The following PPP1R9A variants were observed in gnomAD, a reference collection of about 807,000 sequenced individuals.
PPP1R9A encodes neurabin-1.
A neutral mutation model predicts 141.9 loss-of-function variants in PPP1R9A; 59 were observed. The observed-to-expected ratio is 0.42, with a 90% CI of 0.34 to 0.52. PPP1R9A has a LOEUF of 0.52. Among genes scored for constraint, PPP1R9A ranks in the 20% least tolerant of loss-of-function variants. The probability of loss-of-function intolerance (pLI) is 0.10; values close to 1 mark genes in which losing one functional copy is unlikely to be tolerated. For missense variants in PPP1R9A, 1,444 were observed against 1,611.9 expected, an observed-to-expected ratio of 0.90 and a Z score of 1.78; for synonymous variants, 500 against 569.7, an observed-to-expected ratio of 0.88 and a Z score of 1.74.
At chr7:95,118,475 A>C (rs79176817) in intron 3 of PPP1R9A, among the ~76,000 whole-genome samples, 3 of 152,322 alleles carry the variant, frequency 2.0e-5, no homozygotes, top group East Asian at 1.9e-4. Flanking sequence ...GGTTTGCATC[A>C]GGCAGCTCAT....
rs182726544 is a variant in PPP1R9A at position 95,183,935 on chromosome 7, C to G, written c.1755-14414C>G. Among the ~76,000 whole-genome samples, 237 of 151,956 alleles carry G rather than the reference C, an allele frequency of 1.6e-3. 1 individual carries two copies. Among genetic ancestry groups the G allele is most frequent in the Middle Eastern group, 0.01 (3 of 290 alleles). ...CCAGGCTGGAGTGCAGTGGCCAGAT[C>G]CAGCTTTCAAAAGCAATCATCTTCA... On this transcript the variant is annotated intron_variant, in intron 5 of 19. Transcript: ENST00000433360.
chr7:95,177,394 A>G (rs913949079), intron 5 of PPP1R9A, among the ~76,000 whole-genome samples: 5 of 152,164 alleles, frequency 3.3e-5, no homozygotes, highest in African/African-American at 1.2e-4. Flanking sequence ...CAAATCATGG[A>G]AACGCATCAA....
At chr7:95,057,663 T>G (rs2152050437) in intron 2 of PPP1R9A, among the ~76,000 whole-genome samples, 1 of 152,254 alleles carries the variant, frequency 6.6e-6, no homozygotes, top group African/African-American at 2.4e-5. Context: ...ATTTTTTAAA[T>G]TCCTCTCAGA....
intron 12 of PPP1R9A, among the ~76,000 whole-genome samples, chr7:95,257,097 C>T (rs1384899454): frequency 6.6e-6 from 1 of 151,912 alleles, no homozygotes; most frequent in Non-Finnish European, 1.5e-5. Flanking sequence ...ATTGCTTGGC[C>T]CAGAATAGGG....
intron 5 of PPP1R9A, among the ~76,000 whole-genome samples, chr7:95,165,398 C>T (rs187469827): frequency 4.6e-5 from 7 of 152,292 alleles, no homozygotes; most frequent in African/African-American, 9.6e-5. Flanking sequence ...ACAGGGAAGA[C>T]GTTGGGCCTA....
intron 2 of PPP1R9A, among the ~76,000 whole-genome samples, chr7:95,022,487 C>G (rs773034753): frequency 6.6e-6 from 1 of 152,128 alleles, no homozygotes; most frequent in Non-Finnish European, 1.5e-5. Flanking sequence ...TCTTGCCTGA[C>G]TGCCCTGGCC....
At chr7:94,956,119 C>G (rs1341640672) in intron 2 of PPP1R9A, among the ~76,000 whole-genome samples, 6 of 152,138 alleles carry the variant, frequency 3.9e-5, no homozygotes, top group South Asian at 4.2e-4. Flanking sequence ...GGACAGACTT[C>G]CAAGGAAAAC....
At chr7:94,996,374 A>G (rs1049800728) in intron 2 of PPP1R9A, among the ~76,000 whole-genome samples, 4 of 152,218 alleles carry the variant, frequency 2.6e-5, no homozygotes, top group Non-Finnish European at 5.9e-5. Context: ...AATGGATAAG[A>G]AAACTAGATA....
intron 2 of PPP1R9A, among the ~76,000 whole-genome samples, chr7:95,045,445 G>A (rs1349894434): frequency 6.6e-6 from 1 of 152,206 alleles, no homozygotes; most frequent in Non-Finnish European, 1.5e-5. Flanking sequence ...CTAACCCTTG[G>A]GAGGTGAGCA....
intron 2 of PPP1R9A, among the ~76,000 whole-genome samples, chr7:95,094,085 G>A (rs993728003): frequency 6.6e-6 from 1 of 152,106 alleles, no homozygotes; most frequent in African/African-American, 2.4e-5. Flanking sequence ...AAATCTATAG[G>A]AGAGACCAAC....
At chr7:94,947,155 C>A (rs1288232273) in intron 2 of PPP1R9A, among the ~76,000 whole-genome samples, 1 of 152,042 alleles carries the variant, frequency 6.6e-6, no homozygotes, top group African/African-American at 2.4e-5. Flanking sequence ...GGCCATGGAG[C>A]CAGGAACTGA....
chr7:95,206,478 C>A (rs1790822973), intron 7 of PPP1R9A, among the ~76,000 whole-genome samples: 1 of 151,984 alleles, frequency 6.6e-6, no homozygotes, highest in African/African-American at 2.4e-5. Flanking sequence ...AATTTACATA[C>A]AATAAATGCA....
intron 2 of PPP1R9A, among the ~76,000 whole-genome samples, chr7:95,078,315 A>G (rs1015552605): frequency 2.0e-5 from 3 of 151,646 alleles, no homozygotes; most frequent in Non-Finnish European, 4.4e-5. Flanking sequence ...TGAACTCATC[A>G]TTTTTTATGG....
At chr7:95,253,647 A>G (rs1041866642) in intron 12 of PPP1R9A, among the ~76,000 whole-genome samples, 5 of 152,266 alleles carry the variant, frequency 3.3e-5, no homozygotes, top group African/African-American at 1.2e-4. Context: ...TTTTAAAAGT[A>G]GTATTTCCTT....
intron 2 of PPP1R9A, among the ~76,000 whole-genome samples, chr7:94,954,720 G>A (rs1415573513): frequency 6.7e-6 from 1 of 149,024 alleles, no homozygotes; most frequent in Non-Finnish European, 1.5e-5. Flanking sequence ...CTCTTTTTTG[G>A]TGATTTTTTT....
At chr7:95,160,678 TC>T (rs1830347189) in intron 4 of PPP1R9A, among the ~76,000 whole-genome samples, 3 of 152,106 alleles carry the variant, frequency 2.0e-5, no homozygotes, top group African/African-American at 7.2e-5. Flanking sequence ...TTCCCTCTCT[TC>T]CTTTCCCCTC....
intron 2 of PPP1R9A, among the ~76,000 whole-genome samples, chr7:94,985,155 C>T (rs1000451285): frequency 6.6e-6 from 1 of 152,164 alleles, no homozygotes; most frequent in Non-Finnish European, 1.5e-5. Flanking sequence ...GAGTGAGTTT[C>T]TTAACCCTGA....
intron 16 of PPP1R9A, among the ~76,000 whole-genome samples, chr7:95,283,119 C>A (rs1179428739): frequency 2.6e-5 from 4 of 152,110 alleles, no homozygotes; most frequent in African/African-American, 9.7e-5. Flanking sequence ...CCAAGATGCA[C>A]ATAAACTGCT....
At chr7:94,935,511 T>G (rs1036274610) in intron 2 of PPP1R9A, among the ~76,000 whole-genome samples, 1 of 152,198 alleles carries the variant, frequency 6.6e-6, no homozygotes, top group African/African-American at 2.4e-5. Flanking sequence ...ATTGTTACAT[T>G]TTTTAAAAAG....
Sources: gnomAD v4.1 joint callset for allele counts (sites outside exome capture counted in the v4.1 genomes callset) on GRCh38, gnomAD v4.1.1 for gene constraint, MANE v1.5 for transcripts, NCBI Gene and HGNC (gene_info 2026-07-23, HGNC 2026-07-21) for gene names.